Variants in EPX observed in about 807,000 individuals in gnomAD.
EPX encodes the protein eosinophil peroxidase.
EPX carries 60 observed loss-of-function variants against 73.0 expected under a neutral mutation model. That is an observed-to-expected ratio of 0.82 (90% CI 0.67 to 1.02). EPX has a LOEUF of 1.02. Ranked by LOEUF, EPX falls within the 50% of genes least tolerant of loss-of-function variation. The pLI is 0.00. For missense variants in EPX, 950 were observed against 973.9 expected (o/e 0.98, Z 0.33); for synonymous variants, 347 against 389.2 (o/e 0.89, Z 1.28).
intron 11 of EPX, among the ~76,000 whole-genome samples, chr17:58,203,671 G>A (rs1006684689): frequency 3.3e-5 from 5 of 152,004 alleles, no homozygotes; most frequent in Admixed American, 1.3e-4. Flanking sequence ...GGTGGCTCAC[G>A]CCTGTAATCC....
chr17:58,199,400 A>T, intron 8 of EPX, 139 bp from the exon 9 acceptor site: 1 of 1,152,410 alleles, frequency 8.7e-7, no homozygotes, highest in South Asian at 1.3e-5. Flanking sequence ...TGGGCTTTGT[A>T]TCTCCACCCA....
intron 1 of EPX, 40 bp from the exon 2 acceptor site, chr17:58,192,998 T>C (rs748461066): frequency 1.5e-5 from 24 of 1,590,668 alleles, no homozygotes; most frequent in Non-Finnish European, 1.3e-5. Flanking sequence ...GAGGGGGTCT[T>C]GTGGCTTGCT....
rs748033685 is a variant in EPX at position 58,195,020 on chromosome 17, C to T, written c.651C>T (p.Asp217=). ...TCCCCAATGAGAGACTGACCTCCGA[C>T]CGTGGCCGAGCCCTCATGTTCATGC... ...VRFPNERLTS[D]RGRALMFMQW... is the part of the protein sequence containing the mutation. Residue 217 remains aspartate, a synonymous_variant, in exon 6 of 13, where the codon GAC becomes GAT. Coordinates refer to ENST00000225371, the MANE Select transcript of EPX (RefSeq NM_000502.6). 1.2e-6 allele frequency: 2 copies of T among 1,614,188 alleles called. No homozygotes were observed. The highest frequency in any genetic ancestry group is 2.2e-5 in the South Asian group (2 of 91,088).
rs137945367 is a variant in EPX at position 58,204,353 on chromosome 17, T to A, written c.2078T>A (p.Ile693Asn). 1.2e-6 allele frequency: 2 copies of A among 1,614,000 alleles called. No homozygotes were observed. The highest frequency in any genetic ancestry group is 1.7e-6 in the Non-Finnish European group (2 of 1,179,966). The change falls in exon 12 of 13, where the codon ATC becomes AAC. Residue 693 changes from isoleucine (I) to asparagine (N), a missense_variant. By Grantham distance (149) the Ile-to-Asn change is moderately radical (BLOSUM62 -3). Coordinates refer to ENST00000225371, the MANE Select transcript of EPX (RefSeq NM_000502.6). Reference protein sequence around the residue: ...TVSRDIFRANIYPRGFVNCSR... With the variant: ...TVSRDIFRANNYPRGFVNCSR... ...TCAAGGGACATCTTCAGAGCCAACA[T>A]CTACCCTCGGGGCTTTGTGAACTGC...
At chr17:58,193,895 C>G (rs1968217298) in intron 4 of EPX, 64 bp downstream of exon 4, 1 of 1,607,790 alleles carries the variant, frequency 6.2e-7, no homozygotes, top group Non-Finnish European at 8.5e-7. Flanking sequence ...CTGCACCCAC[C>G]CTCTCCCTCC....
At chr17:58,193,577 C>T (rs372159651) in intron 3 of EPX, 31 bp downstream of exon 3, 1 of 1,610,204 alleles carries the variant, frequency 6.2e-7, no homozygotes, top group South Asian at 1.1e-5. Context: ...CCCGCTGGGC[C>T]TACCCTGGCC....
In EPX at chr17:58,199,798, A is replaced by C; in HGVS notation, c.1537+4A>C. The C allele has an allele frequency of 1.9e-6, 3 of 1,588,710 alleles. No individual in the cohort carries two copies. Among genetic ancestry groups the C allele is most frequent in the Non-Finnish European group, 2.6e-6 (3 of 1,164,332 alleles). On this transcript the variant is annotated splice_donor_region_variant and intron_variant, in intron 9 of 12. Transcript: ENST00000225371. ...AGCTGGCGGATCGTGTATGAAGGTG[A>C]CCAGGTTTTCCAGGGGGCAAATGGG...
At chr17:58,199,001 G>A (rs749354902) in intron 7 of EPX, 39 bp from the exon 8 acceptor site, 7 of 1,608,418 alleles carry the variant, frequency 4.4e-6, no homozygotes, top group African/African-American at 4.0e-5. Context: ...ACATTTCTCT[G>A]GGAAAGGCTG....
At chr17:58,203,393 T>C (rs1243913054) in intron 11 of EPX, 75 bp downstream of exon 11, 24 of 961,932 alleles carry the variant, frequency 2.5e-5, no homozygotes, top group East Asian at 1.7e-4. Flanking sequence ...AGACTAAACA[T>C]TGAAGAACAC....
chr17:58,195,473 T>G (rs1156931617), intron 6 of EPX, among the ~76,000 whole-genome samples: 1 of 152,212 alleles, frequency 6.6e-6, no homozygotes, highest in Non-Finnish European at 1.5e-5. Flanking sequence ...CCCCTGCTTT[T>G]GGCAACCTAA....
chr17:58,200,432 C>T lies in EPX; in HGVS notation c.1708+37C>T, dbSNP rs370398633. ...GTCCACCTCTTCTCCCAGCTTTGCT[C>T]GGGCCAGGCTGCTCAAGGGGTTCTG... On this transcript the variant is annotated intron_variant, in intron 10 of 12. Coordinates refer to ENST00000225371, the MANE Select transcript of EPX (RefSeq NM_000502.6). The T allele has an allele frequency of 1.3e-5, 21 of 1,605,018 alleles. No individual in the cohort carries two copies. In the East Asian group the frequency reaches 2.9e-4, roughly 22 times the overall value.
At chr17:58,194,860 T>G (rs1198817363) in intron 5 of EPX, 104 bp from the exon 6 acceptor site, 1 of 827,112 alleles carries the variant, frequency 1.2e-6, no homozygotes, top group Non-Finnish European at 2.1e-6. Context: ...GGAGAGGCTG[T>G]CAATTCCAGC....
chr17:58,196,711 G>A lies in EPX; in HGVS notation c.802-228G>A, dbSNP rs559450467. Among the ~76,000 whole-genome samples the A allele has an allele frequency of 4.6e-5, 7 of 152,206 alleles. No homozygotes were observed. The East Asian group carries it at 7.7e-4, about 17-fold the overall frequency. ...TTTTCCTTGCTGTAAAATGAGGATC[G>A]AGATTGTTTCAAAAGCCTCATTCAT... is the stretch of plus-strand genomic sequence containing the variant. On this transcript the variant is annotated intron_variant, in intron 6 of 12. Transcript: ENST00000225371.
intron 10 of EPX, among the ~76,000 whole-genome samples, chr17:58,202,017 G>C (rs1968348762): frequency 6.6e-6 from 1 of 152,146 alleles, no homozygotes; most frequent in Admixed American, 6.5e-5. Flanking sequence ...GGACAACCTG[G>C]TTTGAGCTCC....
chr17:58,198,947 C>A (rs1968299195), intron 7 of EPX, 93 bp from the exon 8 acceptor site: 2 of 1,389,226 alleles, frequency 1.4e-6, no homozygotes, highest in Non-Finnish European at 2.0e-6. Context: ...TTTGGCCCAC[C>A]CCGTCTCTCC....
At chr17:58,200,935 A>G (rs1968332706) in intron 10 of EPX, among the ~76,000 whole-genome samples, 1 of 152,238 alleles carries the variant, frequency 6.6e-6, no homozygotes, top group Non-Finnish European at 1.5e-5. Context: ...TTTCATGTAT[A>G]TTAATTTATT....
chr17:58,194,833 G>A, intron 5 of EPX, 131 bp from the exon 6 acceptor site: 1 of 731,568 alleles, frequency 1.4e-6, no homozygotes, highest in Admixed American at 2.0e-5. Flanking sequence ...GACAAAAGGG[G>A]CATGGAGGGC....
intron 9 of EPX, 33 bp from the exon 10 acceptor site, chr17:58,200,192 C>G (rs773547917): frequency 6.2e-7 from 1 of 1,610,768 alleles, no homozygotes. Flanking sequence ...AGAGGCTGGT[C>G]CAATCTGTGC....
chr17:58,193,219 C>T, intron 2 of EPX, 88 bp downstream of exon 2: 1 of 1,213,830 alleles, frequency 8.2e-7, no homozygotes, highest in Admixed American at 1.7e-5. Context: ...CATCAGCCAC[C>T]TCTGGACCCC....
Sources: gnomAD v4.1 joint callset for allele counts (sites outside exome capture counted in the v4.1 genomes callset) on GRCh38, gnomAD v4.1.1 for gene constraint, MANE v1.5 for transcripts, NCBI Gene and HGNC (gene_info 2026-07-23, HGNC 2026-07-21) for gene names.